SMOC2: variants seen among roughly 807,000 people sequenced by gnomAD.
The protein encoded by SMOC2 is SPARC-related modular calcium-binding protein 2.
Under a neutral mutation model 61.4 loss-of-function variants are expected in SMOC2, and 39 were observed. The observed-to-expected ratio is 0.64, with a 90% confidence interval of 0.49 to 0.83. The LOEUF (loss-of-function observed/expected upper bound fraction) is 0.83, where lower values mean the gene tolerates loss of function less well. Among genes scored for constraint, SMOC2 ranks in the 40% least tolerant of loss-of-function variants. The pLI is 0.00. For synonymous variants in SMOC2, 247 were observed against 239.9 expected, an observed-to-expected ratio of 1.03 and a Z score of -0.27; for missense variants, 556 against 592.9, an observed-to-expected ratio of 0.94 and a Z score of 0.65.
rs549642657 is a variant in SMOC2, at chr6:168,590,979, TA to T, written c.638-7835del. Among the ~76,000 whole-genome samples the T allele has an allele frequency of 1.3e-3, 192 of 152,344 alleles. 1 individual carries two copies. The highest frequency in any genetic ancestry group is 6.8e-3 in the Middle Eastern group (2 of 294). The stretch of plus-strand genomic sequence containing the variant: ...AAAGTTGTTACATGGTTATAAAACT[TA>T]AAATTTATAGAAGTAAATTGGAATG... On this transcript the variant is annotated intron_variant, in intron 7 of 12. Coordinates refer to ENST00000356284, the MANE Select transcript of SMOC2 (RefSeq NM_001166412.2).
chr6:168,661,761 T>C lies in SMOC2; in HGVS notation c.1286-2313T>C, dbSNP rs1215136786. ...AACTGGCAATTGTTGAATAGCCAAA[T>C]TGGCTCAGAATAGATTCAAAGTATC... On this transcript the variant is annotated intron_variant, in intron 11 of 12. Coordinates refer to ENST00000356284, the MANE Select transcript of SMOC2 (RefSeq NM_001166412.2). 2.0e-5 allele frequency among the ~76,000 whole-genome samples: 3 copies of C among 152,360 alleles called. No homozygotes were observed. In the East Asian group the frequency reaches 5.8e-4, roughly 29 times the overall value.
chr6:168,481,250 T>TA (rs1326462886), intron 1 of SMOC2, among the ~76,000 whole-genome samples: 1 of 152,252 alleles, frequency 6.6e-6, no homozygotes, highest in Non-Finnish European at 1.5e-5. Flanking sequence ...CTAATACACT[T>TA]AAAGAAATTA....
At chr6:168,514,509 T>C (rs1033076301) in intron 2 of SMOC2, among the ~76,000 whole-genome samples, 8 of 152,388 alleles carry the variant, frequency 5.2e-5, no homozygotes, top group African/African-American at 1.9e-4. Flanking sequence ...CTGACCGACG[T>C]GTGTGAGACT....
chr6:168,586,927 G>T (rs1158579466), intron 7 of SMOC2, among the ~76,000 whole-genome samples: 1 of 152,122 alleles, frequency 6.6e-6, no homozygotes, highest in Non-Finnish European at 1.5e-5. Flanking sequence ...TCAGTCTTTT[G>T]TCATTAAATA....
At chr6:168,599,074 AC>A in intron 8 of SMOC2, 70 bp downstream of exon 8, 3 of 1,398,930 alleles carry the variant, frequency 2.1e-6, no homozygotes, top group Non-Finnish European at 1.9e-6. Flanking sequence ...GGAAAGCAGA[AC>A]CCCCACTTCC....
At chr6:168,445,291 A>AT (rs1444841675) in intron 1 of SMOC2, among the ~76,000 whole-genome samples, 1 of 152,092 alleles carries the variant, frequency 6.6e-6, no homozygotes, top group African/African-American at 2.4e-5. Flanking sequence ...CTGAATCCTC[A>AT]TCTTCTCACA....
At position 168,581,921 on chromosome 6, in the gene SMOC2, G is replaced by A. The variant is rs561048699; in HGVS notation, c.638-16897G>A. ...CAGCCTCAGCTCTGAAGTCTCCTCC[G>A]TGCAGAGGCCTTCTCTGACCCCCCT... On this transcript the variant is annotated intron_variant, in intron 7 of 12. Coordinates refer to ENST00000356284, the MANE Select transcript of SMOC2 (RefSeq NM_001166412.2). Among the ~76,000 whole-genome samples the A allele has an allele frequency of 4.9e-4, 74 of 152,200 alleles. 1 individual carries two copies. Among genetic ancestry groups the A allele is most frequent in the South Asian group, 4.2e-3 (20 of 4,818 alleles).
At chr6:168,584,550 A>AG (rs1785002010) in intron 7 of SMOC2, among the ~76,000 whole-genome samples, 1 of 152,070 alleles carries the variant, frequency 6.6e-6, no homozygotes, top group Non-Finnish European at 1.5e-5. Flanking sequence ...AAAAAAAAAA[A>AG]GCATTCATTA....
intron 1 of SMOC2, among the ~76,000 whole-genome samples, chr6:168,471,732 C>G (rs937990154): frequency 6.6e-6 from 1 of 152,254 alleles, no homozygotes; most frequent in Admixed American, 6.5e-5. Context: ...GTTTCTTTCT[C>G]TTTTTTATTT....
intron 1 of SMOC2, among the ~76,000 whole-genome samples, chr6:168,463,390 T>G (rs1012940713): frequency 8.5e-5 from 13 of 152,164 alleles, no homozygotes; most frequent in African/African-American, 2.9e-4. Context: ...TGTGCTGAAA[T>G]ACACGAGGCT....
chr6:168,441,432 C>A lies in SMOC2; in HGVS notation c.62C>A (p.Ala21Asp). 2.6e-6 allele frequency: 4 copies of A among 1,510,322 alleles called. No homozygotes were observed. Among genetic ancestry groups the A allele is most frequent in the Non-Finnish European group, 3.5e-6 (4 of 1,133,068 alleles). The allele number at this position is 1,510,322 out of a possible 1,614,324, so 93.6% of individuals were successfully genotyped here. A position where few individuals can be genotyped will look rare whatever the true frequency, so the allele number is the denominator to read the frequency against. The change falls in exon 1 of 13, where the codon GCT becomes GAT. Residue 21 changes from alanine (A) to aspartate (D), a missense_variant. Ala to Asp is a moderately radical substitution (Grantham distance 126). Transcript: ENST00000356284. ...LLAGLLPPVP[A>D]QKFSALTFLR... ...GCTGGGCTGCTCCCGCCGGTGCCCG[C>A]TCAGAAGTTCTCGGCGCTCACGGTA...
chr6:168,619,136 A>G (rs894859622), intron 9 of SMOC2, among the ~76,000 whole-genome samples: 45 of 152,146 alleles, frequency 3.0e-4, no homozygotes, highest in African/African-American at 9.9e-4. Context: ...TTTAGAAGCA[A>G]TGTGGCTTGT....
intron 1 of SMOC2, among the ~76,000 whole-genome samples, chr6:168,488,267 A>G (rs1366130958): frequency 6.6e-6 from 1 of 152,178 alleles, no homozygotes; most frequent in Non-Finnish European, 1.5e-5. Flanking sequence ...GTCTGCTCCC[A>G]TGGCCGCTTC....
In SMOC2 at chr6:168,544,115, CAA is replaced by C. The variant is rs753761050; in HGVS notation, c.511+444_511+445del. Among the ~76,000 whole-genome samples the C allele has an allele frequency of 2.0e-5, 3 of 152,154 alleles. No individual in the cohort carries two copies. Among genetic ancestry groups the C allele is most frequent in the Non-Finnish European group, 4.4e-5 (3 of 68,020 alleles). On this transcript the variant is annotated intron_variant, in intron 5 of 12. Transcript: ENST00000356284. The surrounding 1 kb of genome is among the most constrained non-coding windows in gnomAD (Gnocchi z 4.1). ...TCCCTGCCTCTGAGACTGGTACAAA[CAA>C]GAGCTGAACAGAACCCTTAACCTTA...
intron 7 of SMOC2, among the ~76,000 whole-genome samples, chr6:168,581,058 C>T (rs1415738594): frequency 1.3e-5 from 2 of 152,186 alleles, no homozygotes; most frequent in Non-Finnish European, 2.9e-5. Context: ...TGATTCCCCC[C>T]TGGTTTTTAT....
intron 9 of SMOC2, among the ~76,000 whole-genome samples, chr6:168,621,494 G>A (rs1388939445): frequency 6.6e-6 from 1 of 152,172 alleles, no homozygotes; most frequent in Non-Finnish European, 1.5e-5. Flanking sequence ...CTGTTAAGTA[G>A]TAACCCGCTT....
intron 7 of SMOC2, among the ~76,000 whole-genome samples, chr6:168,563,128 A>G (rs1583113243): frequency 6.6e-6 from 1 of 152,212 alleles, no homozygotes; most frequent in Non-Finnish European, 1.5e-5. Context: ...CTGCCATTTT[A>G]GGAAAAAGCA....
rs11284179 is a variant in SMOC2, at chr6:168,623,329, A to ATTTTTTTTTT, written c.907+15100_907+15109dup. 5.4e-5 allele frequency among the ~76,000 whole-genome samples: 7 copies of ATTTTTTTTTT among 129,084 alleles called. 1 individual carries two copies. Among genetic ancestry groups the ATTTTTTTTTT allele is most frequent in the Non-Finnish European group, 7.9e-5 (5 of 62,952 alleles). 84.7% of individuals were successfully genotyped at this position (129,084 alleles called of 152,430 possible). On this transcript the variant is annotated intron_variant, in intron 9 of 12. Coordinates refer to ENST00000356284, the MANE Select transcript of SMOC2 (RefSeq NM_001166412.2). ...GTTTTGGCTGAGACATGGATAATTA[A>ATTTTTTTTTT]TTTTTTTTTTTTTTTTTTTGAGACA...
intron 7 of SMOC2, among the ~76,000 whole-genome samples, chr6:168,556,151 T>G (rs1235962962): frequency 6.6e-6 from 1 of 151,834 alleles, no homozygotes; most frequent in African/African-American, 2.4e-5. Context: ...TTCCCGGGGG[T>G]CCGCGGCTGT....
Sources: allele counts gnomAD v4.1 joint callset (sites outside exome capture counted in the v4.1 genomes callset), GRCh38; gene constraint gnomAD v4.1.1; non-coding constraint Gnocchi (gnomAD v3.1); transcripts MANE v1.5; gene names NCBI Gene and HGNC (gene_info 2026-07-23, HGNC 2026-07-21).